Variants in MEIS3 observed in about 807,000 individuals in gnomAD.
The protein encoded by MEIS3 is homeobox protein Meis3.
In MEIS3, 38 loss-of-function variants were observed where a neutral mutation model predicts 51.4. The observed-to-expected ratio is 0.74, with a 90% CI of 0.57 to 0.97. The LOEUF (loss-of-function observed/expected upper bound fraction) is 0.97. Ranked by LOEUF, MEIS3 falls within the 50% of genes least tolerant of loss-of-function variation. The pLI is 0.00. For missense variants in MEIS3, 456 were observed against 502.6 expected, an observed-to-expected ratio of 0.91 and a Z score of 0.89; for synonymous variants, 198 against 201.8, an observed-to-expected ratio of 0.98 and a Z score of 0.16.
At position 47,416,601 on chromosome 19, in the gene MEIS3, G is replaced by C. The variant is rs145442152; in HGVS notation, c.396+51C>G. ...CACCAACCCCAGGGATGGGGCGTCA[G>C]GGAAGGAGACCCATTGGAGGAGGGG... On this transcript the variant is annotated intron_variant, in intron 4 of 12. Transcript: ENST00000558555. 28 of 1,413,986 alleles carry C rather than the reference G, an allele frequency of 2.0e-5. No individual in the cohort carries two copies. In the African/African-American group the frequency reaches 3.3e-4, roughly 17 times the overall value. 87.6% of individuals were successfully genotyped at this position (1,413,986 alleles called of 1,614,324 possible).
chr19:47,421,746 C>CA (rs1971719529), upstream of MEIS3, among the ~76,000 whole-genome samples: 2 of 143,840 alleles, frequency 1.4e-5, no homozygotes, highest in African/African-American at 2.6e-5. Flanking sequence ...TGTCTCCTGG[C>CA]TTTTTTTTTT....
chr19:47,407,251 A>G (rs969560217), intron 9 of MEIS3, 101 bp downstream of exon 9: 8 of 1,490,494 alleles, frequency 5.4e-6, no homozygotes, highest in Non-Finnish European at 7.2e-6. Context: ...CGGGGCGAGC[A>G]GGGGCAGTGG....
At position 47,414,332 on chromosome 19, in the gene MEIS3, G is replaced by A. The variant is rs538436042; in HGVS notation, c.597+385C>T. Among the ~76,000 whole-genome samples the A allele has an allele frequency of 3.3e-5, 5 of 152,246 alleles. No individual in the cohort carries two copies. The South Asian group carries it at 8.3e-4, about 25-fold the overall frequency. On this transcript the variant is annotated intron_variant, in intron 6 of 12. Coordinates refer to ENST00000558555, the MANE Select transcript of MEIS3 (RefSeq NM_001301059.2). ...ACATACTCAATTGAGAACGGCGTGCGGAACCCGGCTGTGTGTTCTATGCTG... is the reference window on the plus strand; with the variant it reads ...ACATACTCAATTGAGAACGGCGTGCAGAACCCGGCTGTGTGTTCTATGCTG...
At chr19:47,413,952 G>C (rs555946345) in intron 6 of MEIS3, among the ~76,000 whole-genome samples, 90 of 151,874 alleles carry the variant, frequency 5.9e-4, no homozygotes, top group African/African-American at 2.1e-3. Context: ...AGCCAGAATG[G>C]TCTTGATCTC....
At chr19:47,408,496 ATC>A (rs368159435) in intron 8 of MEIS3, among the ~76,000 whole-genome samples, 9 of 149,500 alleles carry the variant, frequency 6.0e-5, no homozygotes, top group Non-Finnish European at 8.9e-5. Flanking sequence ...TTCTGTCTGT[ATC>A]TCTCTCTCTC....
At chr19:47,422,132 C>T (rs1251783440), upstream of MEIS3, among the ~76,000 whole-genome samples, 2 of 152,140 alleles carry the variant, frequency 1.3e-5, no homozygotes, top group African/African-American at 2.4e-5. Context: ...CATTCGTCAC[C>T]GGCCCTGACA....
intron 7 of MEIS3, 75 bp downstream of exon 7, chr19:47,409,361 C>T: frequency 1.3e-6 from 2 of 1,577,734 alleles, no homozygotes; most frequent in Non-Finnish European, 1.7e-6. Flanking sequence ...TGCCCCTCTA[C>T]AAGTCTTACT....
At chr19:47,420,087 CCCCGTGGCTGTCCTGCGGTGAGGCTG>C (rs1971650992), upstream of MEIS3, among the ~76,000 whole-genome samples, 1 of 152,160 alleles carries the variant, frequency 6.6e-6, no homozygotes, top group Non-Finnish European at 1.5e-5. Flanking sequence ...CGGGCTCTGC[CCCCGTGGCTGTCCTGCGGTGAGGCTG>C]GCCGTTTAAG....
intron 4 of MEIS3, 42 bp from the exon 5 acceptor site, chr19:47,415,143 G>T: frequency 1.8e-6 from 2 of 1,134,690 alleles, no homozygotes; most frequent in South Asian, 1.3e-5. Context: ...AGAGGGAATT[G>T]GGGGAGGGAG....
intron 12 of MEIS3, 130 bp from the exon 13 acceptor site, chr19:47,403,683 A>G: frequency 3.0e-6 from 1 of 337,234 alleles, no homozygotes; most frequent in South Asian, 2.2e-5. Context: ...GGGGAATGGC[A>G]CAGGGATGTG....
upstream of MEIS3, among the ~76,000 whole-genome samples, chr19:47,421,667 G>A (rs1158217983): frequency 6.6e-6 from 1 of 151,688 alleles, no homozygotes; most frequent in Non-Finnish European, 1.5e-5. Context: ...TAAAAGACAG[G>A]CCGTCTCTGT....
At position 47,419,151 on chromosome 19, in the gene MEIS3, CGCAGCCCCTGACGG is replaced by C; in HGVS notation, c.-84_-71del. On this transcript the variant is annotated 5_prime_UTR_variant, in exon 1 of 13. Coordinates refer to ENST00000558555, the MANE Select transcript of MEIS3 (RefSeq NM_001301059.2). Reference sequence around the variant, plus strand: ...CGCGGGGGAGGGCGCAGCCCGGGGCCGCAGCCCCTGACGGCCCGCGGTGTTGACGCCAGGGGGTG... The same window carrying C: ...CGCGGGGGAGGGCGCAGCCCGGGGCCCCCGCGGTGTTGACGCCAGGGGGTG... 2.5e-6 allele frequency: 3 copies of C among 1,180,126 alleles called. No individual in the cohort carries two copies. In the Admixed American group the frequency reaches 1.3e-4, roughly 50 times the overall value. 73.1% of individuals were successfully genotyped at this position (1,180,126 alleles called of 1,614,324 possible).
At chr19:47,420,940 A>ACACCCTCTCTCTCT (rs1187725467), upstream of MEIS3, among the ~76,000 whole-genome samples, 1 of 90,972 alleles carries the variant, frequency 1.1e-5, no homozygotes, top group Non-Finnish European at 2.1e-5. Flanking sequence ...ACACACACAC[A>ACACCCTCTCTCTCT]CTCTCTCTCT....
At position 47,416,683 on chromosome 19, in the gene MEIS3, A is replaced by AGCGAACCT; in HGVS notation, c.364_365insAGGTTCGC (p.Leu122GlnfsTer14). ...GTCCAGTTCTGGGTTGGAGGAGAAG[A>AGCGAACCT]GGGGCCTCTCAGAGCGAACCTGGGA... On this transcript the variant is annotated frameshift_variant, in exon 4 of 13. Coordinates refer to ENST00000558555, the MANE Select transcript of MEIS3 (RefSeq NM_001301059.2). LOFTEE classifies it high-confidence loss of function. The AGCGAACCT allele has an allele frequency of 1.3e-6, 2 of 1,562,258 alleles. No homozygotes were observed. Among genetic ancestry groups the AGCGAACCT allele is most frequent in the Non-Finnish European group, 1.7e-6 (2 of 1,153,274 alleles).
In MEIS3 at chr19:47,419,060, C is replaced by G. The variant is rs983987491; in HGVS notation, c.12+10G>C. ...CGGCCGGGACGCGGGGTCCCCGCCC[C>G]GAGACCTACCCTCCGGGCCATGGGC... is the stretch of plus-strand genomic sequence containing the variant. On this transcript the variant is annotated intron_variant, in intron 1 of 12. Transcript: ENST00000558555. 6 of 1,247,074 alleles carry G rather than the reference C, an allele frequency of 4.8e-6. No homozygotes were observed. The African/African-American group carries it at 9.3e-5, about 19-fold the overall frequency. The allele number at this position is 1,247,074 out of a possible 1,614,324, so 77.3% of individuals were successfully genotyped here.
At chr19:47,418,689 GGA>G in intron 1 of MEIS3, 1 of 180,168 alleles carries the variant, frequency 5.6e-6, no homozygotes, top group Non-Finnish European at 1.1e-5. Flanking sequence ...CAGGAACAGA[GGA>G]GAGAGACTGC....
At chr19:47,415,009 G>A in intron 5 of MEIS3, 42 bp downstream of exon 5, 6 of 1,508,468 alleles carry the variant, frequency 4.0e-6, no homozygotes, top group Non-Finnish European at 5.4e-6. Context: ...GGGGTGGGAT[G>A]ACAGGGGCAA....
intron 6 of MEIS3, among the ~76,000 whole-genome samples, chr19:47,410,363 G>A (rs148661351): frequency 1.4e-4 from 21 of 151,140 alleles, no homozygotes; most frequent in East Asian, 9.8e-4. Context: ...CGGGAGAATC[G>A]CTTGAACCCG....
At chr19:47,421,944 TCTCCCCTCTC>T (rs1440933635), upstream of MEIS3, among the ~76,000 whole-genome samples, 1 of 151,402 alleles carries the variant, frequency 6.6e-6, no homozygotes, top group African/African-American at 2.4e-5. Flanking sequence ...TCCCTGGCTC[TCTCCCCTCTC>T]CTCCACCCGG....
Sources: gnomAD v4.1 joint callset for allele counts (sites outside exome capture counted in the v4.1 genomes callset) on GRCh38, gnomAD v4.1.1 for gene constraint, MANE v1.5 for transcripts, NCBI Gene and HGNC (gene_info 2026-07-23, HGNC 2026-07-21) for gene names.